SPPL2A: variants seen among roughly 807,000 people sequenced by gnomAD.
SPPL2A encodes the protein signal peptide peptidase like 2A, also known as signal peptide peptidase-like 2A.
A neutral mutation model predicts 63.8 loss-of-function variants in SPPL2A; 51 were observed. The ratio of observed to expected loss-of-function variants is 0.80; its 90% CI spans 0.64 to 1.01. The LOEUF (loss-of-function observed/expected upper bound fraction) is 1.01, where lower values mean the gene tolerates loss of function less well. SPPL2A is among the 50% of genes least tolerant of loss of function. SPPL2A has a pLI of 0.00. For synonymous variants in SPPL2A, 188 were observed against 205.8 expected (o/e 0.91, Z 0.74); for missense variants, 553 against 622.7 (o/e 0.89, Z 1.19).
At chr15:50,743,350 T>C (rs1227318237) in intron 5 of SPPL2A, 1 of 152,130 alleles carries the variant, frequency 6.6e-6, no homozygotes, top group Non-Finnish European at 1.5e-5. Context: ...TATTATTCTT[T>C]TTGTTATCTT....
chr15:50,707,921 C>T, intron 14 of SPPL2A, 47 bp from the exon 15 acceptor site: 1 of 961,972 alleles, frequency 1.0e-6, no homozygotes, highest in Non-Finnish European at 1.7e-6. Flanking sequence ...TTCAACTTGC[C>T]CCCAATATTC....
At chr15:50,724,132 A>G (rs1161579213) in intron 12 of SPPL2A, among the ~76,000 whole-genome samples, 1 of 152,196 alleles carries the variant, frequency 6.6e-6, no homozygotes, top group Non-Finnish European at 1.5e-5. Context: ...GTGAATCAAG[A>G]TTCACTGAGC....
chr15:50,765,581 T>C lies in SPPL2A; in HGVS notation c.-48A>G, dbSNP rs2063053439. 1.6e-6 allele frequency: 2 copies of C among 1,289,536 alleles called. No individual in the cohort carries two copies. Among genetic ancestry groups the C allele is most frequent in the African/African-American group, 1.6e-5 (1 of 64,384 alleles). The allele number at this position is 1,289,536 out of a possible 1,614,324, so 79.9% of individuals were successfully genotyped here. On this transcript the variant is annotated 5_prime_UTR_variant, in exon 1 of 15. Transcript: ENST00000261854. Reference sequence around the variant, plus strand: ...GACGGCACGGTGCGGCGCAGCTCACTCGGCGGGGTAGGCTCGGAGTCCCGC... The same window carrying C: ...GACGGCACGGTGCGGCGCAGCTCACCCGGCGGGGTAGGCTCGGAGTCCCGC...
intron 1 of SPPL2A, among the ~76,000 whole-genome samples, chr15:50,754,949 T>G (rs1339308374): frequency 6.6e-6 from 1 of 150,602 alleles, no homozygotes; most frequent in African/African-American, 2.5e-5. Context: ...GCCATTGCAC[T>G]CCAGCCTGGG....
chr15:50,734,215 T>G (rs1223681201), intron 8 of SPPL2A, among the ~76,000 whole-genome samples: 1 of 152,206 alleles, frequency 6.6e-6, no homozygotes, highest in East Asian at 1.9e-4. Context: ...GCAGCACTAT[T>G]CGCCATAGCC....
Position 50,730,253 on chromosome 15 carries a change from G to A in SPPL2A, c.1089+712C>T, listed in dbSNP as rs142076869. Among the ~76,000 whole-genome samples the A allele has an allele frequency of 5.1e-3, 778 of 152,116 alleles. 1 individual carries two copies. The highest frequency in any genetic ancestry group is 8.1e-3 in the Non-Finnish European group (548 of 68,002). ...TACTGAAGAGCTAGCGGCAGATCTG[G>A]GAATATATGACCTAGGAGCTGCCAG... On this transcript the variant is annotated intron_variant, in intron 10 of 14. Coordinates refer to ENST00000261854, the MANE Select transcript of SPPL2A (RefSeq NM_032802.4).
chr15:50,725,355 CAAAACAAAA>C (rs1273662122), intron 11 of SPPL2A, 32 bp from the exon 12 acceptor site: 6 of 1,230,036 alleles, frequency 4.9e-6, no homozygotes, highest in Non-Finnish European at 7.0e-6. Flanking sequence ...CAAAACAAAA[CAAAACAAAA>C]AACAAAACAG....
intron 1 of SPPL2A, among the ~76,000 whole-genome samples, chr15:50,753,488 G>A (rs976231719): frequency 3.9e-5 from 6 of 152,132 alleles, no homozygotes; most frequent in Admixed American, 3.3e-4. Context: ...GATAGTACAA[G>A]GATACAATGC....
At chr15:50,747,727 C>A (rs2062869976) in intron 4 of SPPL2A, 99 bp from the exon 5 acceptor site, 1 of 811,020 alleles carries the variant, frequency 1.2e-6, no homozygotes, top group Non-Finnish European at 2.0e-6. Flanking sequence ...GGACATTATA[C>A]ATCAGACAGT....
chr15:50,714,785 A>G (rs546027596), intron 14 of SPPL2A, among the ~76,000 whole-genome samples: 1 of 151,686 alleles, frequency 6.6e-6, no homozygotes, highest in African/African-American at 2.4e-5. Flanking sequence ...TCTAGTGAAA[A>G]TACAAAAATT....
intron 2 of SPPL2A, 72 bp downstream of exon 2, chr15:50,749,564 G>T: frequency 5.1e-6 from 5 of 985,608 alleles, no homozygotes; most frequent in Non-Finnish European, 4.9e-6. Context: ...GGGATTACAG[G>T]CATGAGCCAC....
chr15:50,759,189 C>CCA (rs2062988081), intron 1 of SPPL2A, among the ~76,000 whole-genome samples: 1 of 152,142 alleles, frequency 6.6e-6, no homozygotes, highest in African/African-American at 2.4e-5. Flanking sequence ...CAGGCATGAG[C>CCA]CACCATGCCT....
At chr15:50,727,844 G>A (rs2062698094) in intron 10 of SPPL2A, among the ~76,000 whole-genome samples, 1 of 152,216 alleles carries the variant, frequency 6.6e-6, no homozygotes, top group African/African-American at 2.4e-5. Context: ...AGACTCAGAA[G>A]AAGGTATTAA....
At chr15:50,732,085 T>A (rs978605014) in intron 9 of SPPL2A, among the ~76,000 whole-genome samples, 1 of 151,874 alleles carries the variant, frequency 6.6e-6, no homozygotes, top group Admixed American at 6.6e-5. Flanking sequence ...AAGACCCCTA[T>A]CTCTACAAAA....
At chr15:50,747,357 G>A in intron 5 of SPPL2A, 138 bp downstream of exon 5, 1 of 699,000 alleles carries the variant, frequency 1.4e-6, no homozygotes, top group Non-Finnish European at 2.5e-6. Context: ...TGATCTACAT[G>A]AGGACAAACC....
intron 14 of SPPL2A, among the ~76,000 whole-genome samples, chr15:50,717,680 T>C (rs1288065833): frequency 5.9e-5 from 9 of 152,172 alleles, no homozygotes; most frequent in Admixed American, 3.9e-4. Context: ...CTCAGCATTA[T>C]AGCCATCCTA....
In SPPL2A at chr15:50,726,375, A is replaced by C; in HGVS notation, c.1092T>G (p.Asn364Lys). The change falls in exon 11 of 15, where the codon AAT (asparagine) becomes AAG (lysine). Residue 364 changes from asparagine to lysine, a missense_variant and splice_region_variant. Physicochemically the swap from Asn to Lys is moderately conservative, Grantham distance 94 (BLOSUM62 0). Transcript: ENST00000261854. ...FVFITPFITKNGESIMVELAA... is the reference protein window; with the variant it reads ...FVFITPFITKKGESIMVELAA... ...CGAGTTCAACCATGATACTCTCACC[A>C]TTCTAAAATTGAGAAGGAAAAGAAG... The C allele has an allele frequency of 6.2e-7, 1 of 1,613,510 alleles. No individual in the cohort carries two copies. The highest frequency in any genetic ancestry group is 8.5e-7 in the Non-Finnish European group (1 of 1,179,462).
chr15:50,740,472 A>T (rs1257852978), intron 5 of SPPL2A, among the ~76,000 whole-genome samples: 1 of 151,358 alleles, frequency 6.6e-6, no homozygotes, highest in Non-Finnish European at 1.5e-5. Flanking sequence ...GACATCTATT[A>T]TATAAACAAA....
At chr15:50,724,208 T>C (rs905736352) in intron 12 of SPPL2A, among the ~76,000 whole-genome samples, 4 of 152,102 alleles carry the variant, frequency 2.6e-5, no homozygotes, top group Non-Finnish European at 5.9e-5. Flanking sequence ...ACTATGTAAA[T>C]AGAAGGGCTT....
Sources: gnomAD v4.1 joint callset for allele counts (sites outside exome capture counted in the v4.1 genomes callset) on GRCh38, gnomAD v4.1.1 for gene constraint, MANE v1.5 for transcripts, NCBI Gene and HGNC (gene_info 2026-07-23, HGNC 2026-07-21) for gene names.